DHRS7C: variants seen among roughly 807,000 people sequenced by gnomAD.
DHRS7C encodes dehydrogenase/reductase SDR family member 7C.
Under a neutral mutation model 29.6 loss-of-function variants are expected in DHRS7C, and 28 were observed. That is an observed-to-expected ratio of 0.95 (90% CI 0.70 to 1.30). The LOEUF is 1.30. Ranked by LOEUF, DHRS7C falls within the 50% of genes most tolerant of loss-of-function variation. The probability of loss-of-function intolerance (pLI) is 0.00; values close to 1 mark genes in which losing one functional copy is unlikely to be tolerated. For synonymous variants in DHRS7C, 158 were observed against 160.2 expected, an observed-to-expected ratio of 0.99 and a Z score of 0.10; for missense variants, 403 against 393.3, an observed-to-expected ratio of 1.02 and a Z score of -0.21.
chr17:9,781,615 G>C, intron 1 of DHRS7C, 21 bp from the exon 2 acceptor site: 1 of 1,611,064 alleles, frequency 6.2e-7, no homozygotes, highest in Non-Finnish European at 8.5e-7. Context: ...GAAGGAAACA[G>C]GGCAGGGCAC....
At position 9,775,771 on chromosome 17, in the gene DHRS7C, C is replaced by A. The variant is rs747101769; in HGVS notation, c.571+1422G>T. On this transcript the variant is annotated intron_variant, in intron 4 of 5. Coordinates refer to ENST00000571134, the MANE Select transcript of DHRS7C (RefSeq NM_001105571.3). The surrounding 1 kb of genome is among the most constrained non-coding windows in gnomAD (Gnocchi z 4.2). ...TGGGTTGAATTCTGTTATCAGCCTC[C>A]GAAAATTTATATGCTGAAACCCAAT... Among the ~76,000 whole-genome samples, 1 of 152,100 alleles carries A rather than the reference C, an allele frequency of 6.6e-6. No homozygotes were observed. Among genetic ancestry groups the A allele is most frequent in the Admixed American group, 6.6e-5 (1 of 15,250 alleles).
chr17:9,787,369 T>C (rs111547592), intron 1 of DHRS7C, among the ~76,000 whole-genome samples: 290 of 152,222 alleles, frequency 1.9e-3, no homozygotes, highest in African/African-American at 6.8e-3. Context: ...CATCACTCCA[T>C]TTCCCTTCGC....
intron 3 of DHRS7C, 39 bp downstream of exon 3, chr17:9,779,786 G>A (rs535749855): frequency 5.3e-5 from 84 of 1,577,400 alleles, no homozygotes; most frequent in Non-Finnish European, 7.0e-5. Context: ...GTAGAATCTG[G>A]TGGCCCAGAT....
chr17:9,772,003 A>T (rs2066332089), intron 5 of DHRS7C, among the ~76,000 whole-genome samples: 1 of 152,178 alleles, frequency 6.6e-6, no homozygotes, highest in African/African-American at 2.4e-5. Context: ...CAGGTGGATT[A>T]AGGGACTGTT....
At chr17:9,773,741 T>TTTTTTTGGC (rs57969612) in intron 4 of DHRS7C, among the ~76,000 whole-genome samples, 1 of 129,290 alleles carries the variant, frequency 7.7e-6, no homozygotes, top group African/African-American at 3.2e-5. Flanking sequence ...TTTTTTTTTT[T>TTTTTTTGGC]TGAGACGGCG....
chr17:9,781,344 G>C, intron 2 of DHRS7C, 138 bp downstream of exon 2: 1 of 736,216 alleles, frequency 1.4e-6, no homozygotes, highest in South Asian at 1.8e-5. Context: ...CCTATGTCAA[G>C]GTCATTGGGT....
At position 9,777,210 on chromosome 17, in the gene DHRS7C, A is replaced by C. The variant is rs746506555; in HGVS notation, c.554T>G (p.Ile185Ser). Residue 185 changes from isoleucine to serine, a missense_variant, in exon 4 of 6, where the codon ATC becomes AGC. By Grantham distance (142) the Ile-to-Ser change is moderately radical. Coordinates refer to ENST00000571134, the MANE Select transcript of DHRS7C (RefSeq NM_001105571.3). ...CAACTTACAAGTCGTACGGAACGGG[A>C]TTCCAAACTTCCCTTGGATATTATT... The part of the protein sequence containing the change: ...LVNNIQGKFG[I>S]PFRTTYAASK... 3 of 1,613,670 alleles carry C rather than the reference A, an allele frequency of 1.9e-6. No homozygotes were observed. The highest frequency in any genetic ancestry group is 2.5e-6 in the Non-Finnish European group (3 of 1,179,726).
At chr17:9,783,257 C>T (rs1052846064) in intron 1 of DHRS7C, among the ~76,000 whole-genome samples, 1 of 152,136 alleles carries the variant, frequency 6.6e-6, no homozygotes, top group Non-Finnish European at 1.5e-5. Flanking sequence ...TTAACAATGT[C>T]ACCTTGAATT....
Position 9,771,826 on chromosome 17 carries a change from C to A in DHRS7C, c.728-130G>T, listed in dbSNP as rs935026875. 3 of 939,470 alleles carry A rather than the reference C, an allele frequency of 3.2e-6. No homozygotes were observed. In the East Asian group the frequency reaches 9.8e-5, roughly 31 times the overall value. 58.2% of individuals were successfully genotyped at this position (939,470 alleles called of 1,614,324 possible). ...CCCCGGAGTCACAGGTTCCAGGCCC[C>A]CTCCGCCACCCGCGGACCGCGGCGA... On this transcript the variant is annotated intron_variant, in intron 5 of 5. Transcript: ENST00000571134.
intron 1 of DHRS7C, 48 bp from the exon 2 acceptor site, chr17:9,781,642 C>A (rs769457360): frequency 1.2e-5 from 19 of 1,574,018 alleles, no homozygotes; most frequent in Non-Finnish European, 1.7e-5. Context: ...TGGATGGAGC[C>A]ACTGACAGTG....
At position 9,772,757 on chromosome 17, in the gene DHRS7C, G is replaced by T; in HGVS notation, c.727+10C>A. On this transcript the variant is annotated intron_variant, in intron 5 of 5. Coordinates refer to ENST00000571134, the MANE Select transcript of DHRS7C (RefSeq NM_001105571.3). ...CCCCCAGGGGCCCCAGCTTCCCTCT[G>T]AAGTCTCACATTTCCAAATGGAAGC... The T allele has an allele frequency of 6.2e-7, 1 of 1,613,530 alleles. No individual in the cohort carries two copies. Among genetic ancestry groups the T allele is most frequent in the Non-Finnish European group, 8.5e-7 (1 of 1,179,714 alleles).
intron 1 of DHRS7C, among the ~76,000 whole-genome samples, chr17:9,788,333 A>C (rs1317780219): frequency 6.6e-6 from 1 of 152,078 alleles, no homozygotes; most frequent in East Asian, 1.9e-4. Flanking sequence ...CAGCCTCCCA[A>C]GTAGCTGGGA....
chr17:9,774,251 G>A lies in DHRS7C; in HGVS notation c.572-1329C>T, dbSNP rs1006878446. Among the ~76,000 whole-genome samples, 6 of 152,256 alleles carry A rather than the reference G, an allele frequency of 3.9e-5. No homozygotes were observed. The highest frequency in any genetic ancestry group is 1.4e-4 in the African/African-American group (6 of 41,566). ...GAGTCCTCATTTCATCAGTGGGGCA[G>A]ACACGTGGACAGGTAACTTTCCATG... On this transcript the variant is annotated intron_variant, in intron 4 of 5. Coordinates refer to ENST00000571134, the MANE Select transcript of DHRS7C (RefSeq NM_001105571.3). This position sits in a 1 kb window ranked among gnomAD's most constrained non-coding sequence, Gnocchi z 5.0.
chr17:9,780,066 TG>T (rs1389371975), intron 2 of DHRS7C, 31 bp from the exon 3 acceptor site: 2 of 1,602,092 alleles, frequency 1.2e-6, no homozygotes, highest in Non-Finnish European at 8.5e-7. Flanking sequence ...TCAGGGTATG[TG>T]TGAGATCTCC....
intron 2 of DHRS7C, among the ~76,000 whole-genome samples, chr17:9,781,185 C>T (rs757896017): frequency 6.6e-6 from 1 of 152,148 alleles, no homozygotes; most frequent in African/African-American, 2.4e-5. Context: ...TGTTTGTAAT[C>T]ACAGTCCATA....
intron 5 of DHRS7C, 104 bp from the exon 6 acceptor site, chr17:9,771,800 T>C: frequency 8.5e-7 from 1 of 1,170,012 alleles, no homozygotes; most frequent in African/African-American, 1.6e-5. Context: ...GCGTGGGCTG[T>C]CCCCGGAGTC....
At position 9,784,238 on chromosome 17, in the gene DHRS7C, C is replaced by T. The variant is rs143801517; in HGVS notation, c.155-2644G>A. ...CTGTAATCCCAGCACTTTGGTAGGC[C>T]AAGGCGGGCAGATCACGAGGTCAGG... On this transcript the variant is annotated intron_variant, in intron 1 of 5. Coordinates refer to ENST00000571134, the MANE Select transcript of DHRS7C (RefSeq NM_001105571.3). 1.5e-3 allele frequency among the ~76,000 whole-genome samples: 232 copies of T among 152,092 alleles called. 1 individual carries two copies. Among genetic ancestry groups the T allele is most frequent in the African/African-American group, 5.5e-3 (228 of 41,492 alleles).
intron 1 of DHRS7C, among the ~76,000 whole-genome samples, chr17:9,790,082 C>A (rs1044179136): frequency 2.6e-5 from 4 of 152,056 alleles, no homozygotes; most frequent in African/African-American, 9.7e-5. Flanking sequence ...CATTGGGATG[C>A]CGAAGAGGCT....
At chr17:9,780,516 A>G (rs1185866031) in intron 2 of DHRS7C, among the ~76,000 whole-genome samples, 1 of 152,192 alleles carries the variant, frequency 6.6e-6, no homozygotes, top group Non-Finnish European at 1.5e-5. Context: ...TGAAGCACCT[A>G]CTATGTGCCA....
Sources: gnomAD v4.1 joint callset for allele counts (sites outside exome capture counted in the v4.1 genomes callset) on GRCh38, gnomAD v4.1.1 for gene constraint, Gnocchi (gnomAD v3.1) non-coding constraint, MANE v1.5 for transcripts, NCBI Gene and HGNC (gene_info 2026-07-23, HGNC 2026-07-21) for gene names.